Variants in SERPINA12 observed in about 807,000 individuals in gnomAD.
SERPINA12 encodes the protein serpin A12.
Under a neutral mutation model 25.9 loss-of-function variants are expected in SERPINA12, and 21 were observed. The observed-to-expected ratio is 0.81, with a 90% CI of 0.58 to 1.17. The LOEUF (loss-of-function observed/expected upper bound fraction) is 1.17, where lower values mean the gene tolerates loss of function less well. Ranked by LOEUF, SERPINA12 falls within the 50% of genes most tolerant of loss-of-function variation. SERPINA12 has a pLI of 0.00. For synonymous variants in SERPINA12, 220 were observed against 196.0 expected (o/e 1.12, Z -1.02); for missense variants, 562 against 508.3 (o/e 1.11, Z -1.02).
upstream of SERPINA12, chr14:94,511,689 T>C (rs1901114651): frequency 1.0e-6 from 1 of 985,404 alleles, no homozygotes; most frequent in East Asian, 1.1e-4. Context: ...CCTTTCCTGC[T>C]TCCTTCCAAA....
At chr14:94,517,143 TGA>T (rs1416204889) in intron 1 of SERPINA12, among the ~76,000 whole-genome samples, 1 of 152,210 alleles carries the variant, frequency 6.6e-6, no homozygotes, top group Non-Finnish European at 1.5e-5. Context: ...TAAATGTGTG[TGA>T]GTGTCACTTC....
At position 94,495,910 on chromosome 14, in the gene SERPINA12, T is replaced by C. The variant is rs570652044; in HGVS notation, c.905+463A>G. Among the ~76,000 whole-genome samples the C allele has an allele frequency of 2.0e-5, 3 of 152,356 alleles. No homozygotes were observed. The South Asian group carries it at 6.2e-4, about 32-fold the overall frequency. ...GTTTTAAAAAGAAAAATATTTACTC[T>C]CTTTTATTCTTCAACTATTATTTGT... is the stretch of plus-strand genomic sequence containing the variant. On this transcript the variant is annotated intron_variant, in intron 3 of 4. Coordinates refer to ENST00000677451, the MANE Select transcript of SERPINA12 (RefSeq NM_001382267.1).
chr14:94,489,264 G>GAGAA (rs763338500), intron 4 of SERPINA12, among the ~76,000 whole-genome samples: 1 of 151,860 alleles, frequency 6.6e-6, no homozygotes, highest in Non-Finnish European at 1.5e-5. Flanking sequence ...GAGAAAGAAA[G>GAGAA]AGAAAGAAAG....
At chr14:94,499,100 G>T (rs77822037) in intron 1 of SERPINA12, among the ~76,000 whole-genome samples, 6,500 of 152,226 alleles carry the variant, frequency 0.043, 245 homozygotes, top group South Asian at 0.095. Context: ...AGAGTTGGCT[G>T]GTTTGAGGTA....
At chr14:94,495,060 C>CTTTATT (rs1427863532) in intron 3 of SERPINA12, among the ~76,000 whole-genome samples, 1 of 127,412 alleles carries the variant, frequency 7.8e-6, no homozygotes, top group African/African-American at 3.6e-5. Flanking sequence ...CAGAATTTCC[C>CTTTATT]TTTCTTTTTT....
chr14:94,510,290 G>C (rs1010047153), upstream of SERPINA12: 11 of 984,466 alleles, frequency 1.1e-5, no homozygotes, highest in Non-Finnish European at 1.3e-5. Flanking sequence ...TGTCATTCAA[G>C]CCAGATCTAG....
chr14:94,517,258 T>C (rs763350618), intron 1 of SERPINA12: 1 of 152,256 alleles, frequency 6.6e-6, no homozygotes, highest in Non-Finnish European at 1.5e-5. Flanking sequence ...GTTTCAAATG[T>C]GTGTTTTGGG....
At chr14:94,515,921 G>C (rs1395979652) in exon 2 of SERPINA12, 3 of 152,276 alleles carry the variant, frequency 2.0e-5, no homozygotes, top group Non-Finnish European at 4.4e-5. Context: ...AAAGAAAAGA[G>C]AGGAACCCAG....
rs1465878952 is a variant in SERPINA12, at chr14:94,498,342, C to T, written c.56G>A (p.Gly19Asp). 1 of 1,614,054 alleles carries T rather than the reference C, an allele frequency of 6.2e-7. No individual in the cohort carries two copies. Among genetic ancestry groups the T allele is most frequent in the Non-Finnish European group, 8.5e-7 (1 of 1,180,048 alleles). The change falls in exon 2 of 5, where the codon GGT becomes GAT. Residue 19 changes from glycine (G) to aspartate (D), a missense_variant. By Grantham distance (94) the Gly-to-Asp change is moderately conservative (BLOSUM62 -1). Transcript: ENST00000677451. ...IFLAVLLTVK[G>D]LLKPSFSPRN... ...TGGTGAGAAGCTCGGCTTTAGAAGA[C>T]CTTTCACCGTGAGGAGAACAGCCAG...
rs770716353 is a variant in SERPINA12 at position 94,489,728 on chromosome 14, G to A, written c.945C>T (p.Gly315=). 6 of 1,614,068 alleles carry A rather than the reference G, an allele frequency of 3.7e-6. No homozygotes were observed. In the African/African-American group the frequency reaches 5.3e-5, roughly 14 times the overall value. Residue 315 remains glycine, a synonymous_variant, in exon 4 of 5, where the codon GGC becomes GGT. Transcript: ENST00000677451. The stretch of plus-strand genomic sequence containing the variant: ...AGAGAGTCTTCTTCAGGTCGAAGGT[G>A]CCCGTCATGTGGAGTCTGGGTACAG... ...DVSVPRLHMT[G]TFDLKKTLSY... is the part of the protein sequence containing the mutation.
intron 1 of SERPINA12, among the ~76,000 whole-genome samples, chr14:94,516,687 C>A (rs1030086373): frequency 6.6e-6 from 1 of 152,210 alleles, no homozygotes; most frequent in African/African-American, 2.4e-5. Context: ...GGAACTATCA[C>A]CCCCAACATC....
At chr14:94,516,813 T>C (rs756817479) in intron 1 of SERPINA12, among the ~76,000 whole-genome samples, 2 of 152,102 alleles carry the variant, frequency 1.3e-5, no homozygotes, top group East Asian at 3.9e-4. Context: ...GGTGCCCCTG[T>C]TTGGGTCAAA....
chr14:94,489,789 G>T (rs776468791), intron 3 of SERPINA12, 22 bp from the exon 4 acceptor site: 2 of 1,612,074 alleles, frequency 1.2e-6, no homozygotes, highest in African/African-American at 1.3e-5. Flanking sequence ...ACACGACAAG[G>T]GTGAGTGGTC....
At chr14:94,489,595 TG>T in intron 4 of SERPINA12, 24 bp downstream of exon 4, 2 of 1,610,602 alleles carry the variant, frequency 1.2e-6, no homozygotes, top group Non-Finnish European at 1.7e-6. Context: ...CTGCAGGGAG[TG>T]GAGTCCAGGC....
At chr14:94,511,684 C>T (rs1251717119), upstream of SERPINA12, 3 of 985,310 alleles carry the variant, frequency 3.0e-6, no homozygotes, top group Non-Finnish European at 3.6e-6. Flanking sequence ...ATCCTCCTTT[C>T]CTGCTTCCTT....
chr14:94,493,699 C>T (rs371637300), intron 3 of SERPINA12, among the ~76,000 whole-genome samples: 4 of 152,288 alleles, frequency 2.6e-5, no homozygotes, highest in African/African-American at 7.2e-5. Flanking sequence ...CTTCACAAGA[C>T]GCCGCTTCTG....
At chr14:94,491,049 C>T (rs1483871703) in intron 3 of SERPINA12, among the ~76,000 whole-genome samples, 3 of 152,170 alleles carry the variant, frequency 2.0e-5, no homozygotes, top group Non-Finnish European at 4.4e-5. Flanking sequence ...CCCAACGACT[C>T]CCAAATTTAC....
Position 94,498,199 on chromosome 14 carries a change from TG to T in SERPINA12, c.198del (p.Tyr66Ter). On this transcript the variant is annotated frameshift_variant, in exon 2 of 5. Coordinates refer to ENST00000677451, the MANE Select transcript of SERPINA12 (RefSeq NM_001382267.1). LOFTEE classifies it high-confidence loss of function. ...GFKLLKKLAF[Y>X]NPGRNIFLSP... ...GATAGGAAGATGTTCCTGCCAGGGT[TG>T]TAAAAGGCCAGCTTCTTGAGCAGCT... 2 of 1,614,196 alleles carry T rather than the reference TG, an allele frequency of 1.2e-6. No homozygotes were observed. Among genetic ancestry groups the T allele is most frequent in the Non-Finnish European group, 8.5e-7 (1 of 1,180,022 alleles).
intron 1 of SERPINA12, among the ~76,000 whole-genome samples, chr14:94,507,063 T>C (rs1900954847): frequency 6.6e-6 from 1 of 152,180 alleles, no homozygotes; most frequent in South Asian, 2.1e-4. Context: ...ATCCTTTCAA[T>C]GAATGATGAA....
Sources: allele counts gnomAD v4.1 joint callset (sites outside exome capture counted in the v4.1 genomes callset), GRCh38; gene constraint gnomAD v4.1.1; transcripts MANE v1.5; gene names NCBI Gene and HGNC (gene_info 2026-07-23, HGNC 2026-07-21).